SMS: variants seen among roughly 807,000 people sequenced by gnomAD.
The protein encoded by SMS is spermine synthase.
In SMS, 3 loss-of-function variants were observed where a neutral mutation model predicts 33.0. The ratio of observed to expected loss-of-function variants is 0.09; its 90% CI spans 0.04 to 0.23. The LOEUF (loss-of-function observed/expected upper bound fraction) is 0.23. Among genes scored for constraint, SMS ranks in the 10% least tolerant of loss-of-function variants. SMS has a pLI of 1.00. For missense variants in SMS, 117 were observed against 288.6 expected (o/e 0.41, Z 4.31); for synonymous variants, 103 against 112.2 (o/e 0.92, Z 0.52).
At position 21,994,684 on chromosome X, in the gene SMS, G is replaced by T. The variant is rs1269519683; in HGVS notation, c.*333G>T. ...TTTGTTTTGGTAGATCTTCAATTTGGATATTTGGAGGAGTGAACATCGTTG... is the reference window on the plus strand; with the variant it reads ...TTTGTTTTGGTAGATCTTCAATTTGTATATTTGGAGGAGTGAACATCGTTG... On this transcript the variant is annotated 3_prime_UTR_variant, in exon 11 of 11. Coordinates refer to ENST00000404933, the MANE Select transcript of SMS (RefSeq NM_004595.5). The T allele has an allele frequency of 4.9e-6, 4 of 814,420 alleles. No individual in the cohort carries two copies. In the African/African-American group the frequency reaches 6.7e-5, roughly 14 times the overall value. The allele number at this position is 814,420 out of a possible 1,213,427, so 67.1% of individuals were successfully genotyped here. A position where few individuals can be genotyped will look rare whatever the true frequency, so the allele number is the denominator to read the frequency against.
At chrX:21,947,281 C>T (rs1326137641) in intron 1 of SMS, among the ~76,000 whole-genome samples, 1 of 111,640 alleles carries the variant, frequency 9.0e-6, no homozygotes, top group African/African-American at 3.3e-5. Context: ...GTTGCTTTAA[C>T]AATGCAGCCT....
At chrX:21,944,544 A>AAAAAAAAAAAGAAAAG (rs1555992699) in intron 1 of SMS, among the ~76,000 whole-genome samples, 2 of 99,052 alleles carry the variant, frequency 2.0e-5, no homozygotes, top group Admixed American at 1.4e-4. Context: ...AAAAAAAAAA[A>AAAAAAAAAAAGAAAAG]AGAAAAAAAA....
intron 10 of SMS, among the ~76,000 whole-genome samples, chrX:21,993,474 G>A (rs1291054987): frequency 8.9e-6 from 1 of 112,854 alleles, no homozygotes; most frequent in African/African-American, 3.2e-5. Context: ...CTTATCTGCT[G>A]TTGCCAAGTC....
chrX:21,969,333 C>T (rs181084655), intron 2 of SMS, among the ~76,000 whole-genome samples: 38 of 111,884 alleles, frequency 3.4e-4, no homozygotes, highest in Admixed American at 2.7e-3. Context: ...ATGATTTCTT[C>T]CTCATATGAA....
At chrX:21,955,320 C>A (rs1922901686) in intron 1 of SMS, among the ~76,000 whole-genome samples, 1 of 112,200 alleles carries the variant, frequency 8.9e-6, no homozygotes, top group Non-Finnish European at 1.9e-5. Context: ...CTTGTTTCCC[C>A]TTCTGGACGG....
chrX:21,978,984 A>G lies in SMS; in HGVS notation c.750+18A>G. ...GCTATCAGGTAATTGTTTTCTGGAT[A>G]ATGTAGTTTTAAGTGAACTAATAAT... On this transcript the variant is annotated intron_variant, in intron 7 of 10. Transcript: ENST00000404933. The G allele has an allele frequency of 5.6e-6, 6 of 1,081,013 alleles. No homozygotes were observed. The highest frequency in any genetic ancestry group is 6.4e-6 in the Non-Finnish European group (5 of 776,430). The allele number at this position is 1,081,013 out of a possible 1,213,427, so 89.1% of individuals were successfully genotyped here.
chrX:21,973,903 C>T (rs748954452), intron 4 of SMS, among the ~76,000 whole-genome samples: 2 of 113,004 alleles, frequency 1.8e-5, no homozygotes, highest in African/African-American at 3.2e-5. Context: ...ATTCGGACAT[C>T]GTGGGAAGGA....
At chrX:21,969,043 TTCTC>T (rs1923935957) in intron 2 of SMS, among the ~76,000 whole-genome samples, 1 of 111,845 alleles carries the variant, frequency 8.9e-6, no homozygotes, top group African/African-American at 3.3e-5. Context: ...GTCCCACTTT[TTCTC>T]TCTTTGTTTC....
At chrX:21,967,459 A>G in intron 2 of SMS, 143 bp downstream of exon 2, 1 of 612,420 alleles carries the variant, frequency 1.6e-6, no homozygotes, top group South Asian at 2.5e-5. Flanking sequence ...GTGCTTCTCA[A>G]CCGTAGCTGC....
Position 21,980,285 on chromosome X carries a change from C to T in SMS, c.750+1319C>T, listed in dbSNP as rs1924828668. ...ATGTAAAATTAGCCAGGTGTGGCGG[C>T]GTGTGCCTGTAATTCCAGCTACATG... On this transcript the variant is annotated intron_variant, in intron 7 of 10. Transcript: ENST00000404933. 7.4e-5 allele frequency among the ~76,000 whole-genome samples: 8 copies of T among 107,817 alleles called. No individual in the cohort carries two copies. In the South Asian group the frequency reaches 3.2e-3, roughly 43 times the overall value. 93.6% of individuals were successfully genotyped at this position (107,817 alleles called of 115,157 possible).
At chrX:21,979,964 A>G (rs189096517) in intron 7 of SMS, among the ~76,000 whole-genome samples, 1,719 of 108,219 alleles carry the variant, frequency 0.016, 41 homozygotes, top group African/African-American at 0.055. Context: ...AAAAAAAAAA[A>G]CCTTAATAAT....
At chrX:21,954,271 A>G (rs1922824825) in intron 1 of SMS, among the ~76,000 whole-genome samples, 1 of 112,125 alleles carries the variant, frequency 8.9e-6, no homozygotes, top group Non-Finnish European at 1.9e-5. Flanking sequence ...TGATCTTTAC[A>G]TCTTAAAAGG....
At position 21,992,634 on chromosome X, in the gene SMS, A is replaced by G. The variant is rs397515553; in HGVS notation, c.983A>G (p.Tyr328Cys). ...CVNLTEALSL[Y>C]EEQLGRLYCP... ...AATCTGACAGAAGCACTGTCGCTCT[A>G]TGAAGAACAGCTGGGGCGCCTGTAT... The change falls in exon 10 of 11, where the codon TAT (tyrosine) becomes TGT (cysteine). Residue 328 changes from tyrosine to cysteine, a missense_variant. This residue lies in a region of SMS where 69 missense variants were observed against 203.8 expected (regional missense o/e 0.34). Coordinates refer to ENST00000404933, the MANE Select transcript of SMS (RefSeq NM_004595.5). 2 of 1,206,209 alleles carry G rather than the reference A, an allele frequency of 1.7e-6. No homozygotes were observed. Among genetic ancestry groups the G allele is most frequent in the Non-Finnish European group, 1.1e-6 (1 of 891,530 alleles).
intron 2 of SMS, among the ~76,000 whole-genome samples, chrX:21,971,530 GA>G (rs1157407214): frequency 4.5e-5 from 5 of 111,606 alleles, no homozygotes; most frequent in Non-Finnish European, 9.4e-5. Context: ...ATGTTAATGA[GA>G]AAAACCAGTT....
In SMS at chrX:21,944,542, A is replaced by G. The variant is rs1350200153; in HGVS notation, c.49+3669A>G. Among the ~76,000 whole-genome samples, 106 of 105,825 alleles carry G rather than the reference A, an allele frequency of 1.0e-3. 1 individual carries two copies. The highest frequency in any genetic ancestry group is 3.2e-3 in the African/African-American group (93 of 29,078). The allele number at this position is 105,825 out of a possible 115,157, so 91.9% of individuals were successfully genotyped here. A position where few individuals can be genotyped will look rare whatever the true frequency, so the allele number is the denominator to read the frequency against. ...CTCTACAAAAAAAAAAAAAAAAAAA[A>G]AAAGAAAAAAAATTAGCCAGGTGTG... On this transcript the variant is annotated intron_variant, in intron 1 of 10. Coordinates refer to ENST00000404933, the MANE Select transcript of SMS (RefSeq NM_004595.5).
Position 21,971,968 on chromosome X carries a change from A to G in SMS, c.242A>G (p.Gln81Arg), listed in dbSNP as rs777583658. Residue 81 changes from glutamine (Q) to arginine (R), a missense_variant, in exon 3 of 11, where the codon CAA (glutamine) becomes CGA (arginine). Coordinates refer to ENST00000404933, the MANE Select transcript of SMS (RefSeq NM_004595.5). ...LDLQSYDGDA[Q>R]GKEEIDSILN... Reference sequence around the variant, plus strand: ...CTTCAGAGTTATGATGGTGATGCGCAAGGCAAAGAAGAGATCGACAGTGTC... The same window carrying G: ...CTTCAGAGTTATGATGGTGATGCGCGAGGCAAAGAAGAGATCGACAGTGTC... 5.0e-6 allele frequency: 6 copies of G among 1,192,224 alleles called. No individual in the cohort carries two copies. The highest frequency in any genetic ancestry group is 2.4e-4 in the Middle Eastern group (1 of 4,157).
chrX:21,953,765 T>C (rs768594654), intron 1 of SMS, among the ~76,000 whole-genome samples: 10 of 112,382 alleles, frequency 8.9e-5, no homozygotes, highest in Non-Finnish European at 1.9e-4. Flanking sequence ...TCTCCTGTTA[T>C]TCCTAATATT....
At position 21,994,404 on chromosome X, in the gene SMS, A is replaced by T. The variant is rs756652512; in HGVS notation, c.*53A>T. 5 of 1,195,208 alleles carry T rather than the reference A, an allele frequency of 4.2e-6. No homozygotes were observed. The highest frequency in any genetic ancestry group is 5.7e-6 in the Non-Finnish European group (5 of 882,904). On this transcript the variant is annotated 3_prime_UTR_variant, in exon 11 of 11. Transcript: ENST00000404933. ...TGCAAATAGCCTTCCTGACCTCCAT[A>T]TGCTGTACATGACATCAAAATGAGT... is the stretch of plus-strand genomic sequence containing the variant.
At chrX:21,985,027 C>T in intron 8 of SMS, 117 bp from the exon 9 acceptor site, 1 of 496,755 alleles carries the variant, frequency 2.0e-6, no homozygotes. Context: ...GTGGGTCTTA[C>T]ACTCGTGGCT....
Sources: allele counts gnomAD v4.1 joint callset (sites outside exome capture counted in the v4.1 genomes callset), GRCh38; gene constraint gnomAD v4.1.1; regional missense constraint gnomAD v4.1.1; transcripts MANE v1.5; gene names NCBI Gene and HGNC (gene_info 2026-07-23, HGNC 2026-07-21).